Variants in MCTP1 observed in about 807,000 individuals in gnomAD.
The protein encoded by MCTP1 is multiple C2 and transmembrane domain containing 1, also known as multiple C2 and transmembrane domain-containing protein 1.
In MCTP1, 69 loss-of-function variants were observed where a neutral mutation model predicts 120.6. The ratio of observed to expected loss-of-function variants is 0.57; its 90% confidence interval spans 0.47 to 0.70. The LOEUF (loss-of-function observed/expected upper bound fraction) is 0.70. MCTP1 is among the 30% of genes least tolerant of loss of function. The pLI is 0.00. For synonymous variants in MCTP1, 529 were observed against 493.1 expected (o/e 1.07, Z -0.96); for missense variants, 1,203 against 1,248.8 (o/e 0.96, Z 0.55).
At chr5:95,210,770 C>T (rs538238927) in intron 1 of MCTP1, among the ~76,000 whole-genome samples, 3 of 152,028 alleles carry the variant, frequency 2.0e-5, no homozygotes, top group Non-Finnish European at 2.9e-5. Context: ...TTCCTAGTCT[C>T]GATGGTCTCT....
At chr5:95,237,854 A>T (rs766510022) in intron 1 of MCTP1, among the ~76,000 whole-genome samples, 2 of 152,136 alleles carry the variant, frequency 1.3e-5, no homozygotes, top group Non-Finnish European at 2.9e-5. Flanking sequence ...AAGAAATAGC[A>T]TTTACCTTGG....
intron 6 of MCTP1, among the ~76,000 whole-genome samples, chr5:94,928,940 C>A (rs1813839489): frequency 6.6e-6 from 1 of 152,140 alleles, no homozygotes. Context: ...TACAACCCCA[C>A]ATTATGTGAG....
chr5:94,941,367 C>A (rs973122841), intron 4 of MCTP1, among the ~76,000 whole-genome samples: 1 of 152,028 alleles, frequency 6.6e-6, no homozygotes, highest in Non-Finnish European at 1.5e-5. Flanking sequence ...AGAAAAAGTA[C>A]AGGAAAGGCT....
rs1754599078 is a variant in MCTP1 at position 94,706,381 on chromosome 5, A to G, written c.*1115T>C. ...TAATAGTGAAACATTGATAAAGGCA[A>G]CCACCACCCCCAAGCAGTTTATTTT... On this transcript the variant is annotated 3_prime_UTR_variant, in exon 23 of 23. Transcript: ENST00000515393. The G allele has an allele frequency of 1.3e-5, 2 of 151,384 alleles. No homozygotes were observed. The highest frequency in any genetic ancestry group is 4.8e-5 in the African/African-American group (2 of 41,302). 9.4% of individuals were successfully genotyped at this position (151,384 alleles called of 1,614,324 possible). A position where few individuals can be genotyped will look rare whatever the true frequency, so the allele number is the denominator to read the frequency against.
intron 17 of MCTP1, among the ~76,000 whole-genome samples, chr5:94,842,450 C>A (rs932003317): frequency 2.2e-4 from 33 of 152,248 alleles, no homozygotes; most frequent in African/African-American, 7.9e-4. Context: ...TGGATTGTGT[C>A]ATCTAAAAAA....
chr5:94,771,360 A>G (rs540008042), intron 19 of MCTP1, among the ~76,000 whole-genome samples: 1 of 152,332 alleles, frequency 6.6e-6, no homozygotes, highest in South Asian at 2.1e-4. Context: ...AAATAAGACT[A>G]AAACTCCCTG....
chr5:95,221,778 C>CT (rs1390479332), intron 1 of MCTP1, among the ~76,000 whole-genome samples: 1 of 152,122 alleles, frequency 6.6e-6, no homozygotes, highest in Non-Finnish European at 1.5e-5. Context: ...TGGGTTTTCT[C>CT]TTTTTTCAGG....
chr5:94,886,595 G>A (rs1801392580), intron 12 of MCTP1, among the ~76,000 whole-genome samples: 1 of 152,116 alleles, frequency 6.6e-6, no homozygotes, highest in South Asian at 2.1e-4. Context: ...AAATATTCTT[G>A]CCTTAGCACA....
chr5:94,881,311 T>C (rs1378912059), intron 12 of MCTP1, among the ~76,000 whole-genome samples: 1 of 151,986 alleles, frequency 6.6e-6, no homozygotes, highest in Non-Finnish European at 1.5e-5. Context: ...GAACTTAGAG[T>C]CTCTTTTCTT....
chr5:94,748,785 C>G (rs1207713059), intron 19 of MCTP1, among the ~76,000 whole-genome samples: 2 of 152,182 alleles, frequency 1.3e-5, no homozygotes, highest in East Asian at 1.9e-4. Flanking sequence ...ACTACATTTC[C>G]AGCTCTCTGT....
At chr5:95,217,407 A>C (rs1190640595) in intron 1 of MCTP1, among the ~76,000 whole-genome samples, 1 of 152,220 alleles carries the variant, frequency 6.6e-6, no homozygotes, top group African/African-American at 2.4e-5. Context: ...TTCAGTCAGA[A>C]CAACAAATAC....
intron 3 of MCTP1, among the ~76,000 whole-genome samples, chr5:94,948,240 A>G (rs1282925352): frequency 6.6e-6 from 1 of 152,202 alleles, no homozygotes; most frequent in Non-Finnish European, 1.5e-5. Flanking sequence ...ATGTACCCAT[A>G]CAAAAGAGAC....
chr5:94,835,846 T>C (rs1166631840), intron 17 of MCTP1, among the ~76,000 whole-genome samples: 1 of 151,772 alleles, frequency 6.6e-6, no homozygotes, highest in Non-Finnish European at 1.5e-5. Flanking sequence ...CTACTAAAAA[T>C]ACAAAAAATT....
At chr5:95,016,831 A>G (rs540322465) in intron 2 of MCTP1, among the ~76,000 whole-genome samples, 3 of 152,184 alleles carry the variant, frequency 2.0e-5, no homozygotes, top group Admixed American at 6.6e-5. Flanking sequence ...GGAACTTAAG[A>G]GTATTTGCCT....
chr5:94,838,318 T>C (rs1270180765), intron 17 of MCTP1, among the ~76,000 whole-genome samples: 1 of 152,242 alleles, frequency 6.6e-6, no homozygotes, highest in Non-Finnish European at 1.5e-5. Context: ...TGTTTCAGTT[T>C]AGCTCTGCTT....
intron 2 of MCTP1, among the ~76,000 whole-genome samples, chr5:94,977,660 C>T (rs1304937467): frequency 2.0e-5 from 3 of 152,000 alleles, no homozygotes; most frequent in Non-Finnish European, 4.4e-5. Context: ...TCAATCCATG[C>T]CTGTATGGTA....
chr5:94,770,471 T>C (rs1003914641), intron 19 of MCTP1, among the ~76,000 whole-genome samples: 1 of 152,200 alleles, frequency 6.6e-6, no homozygotes, highest in Non-Finnish European at 1.5e-5. Flanking sequence ...ACTATCAGAA[T>C]AACCCAAAAG....
At chr5:95,079,622 T>C (rs1235308255) in intron 1 of MCTP1, among the ~76,000 whole-genome samples, 2 of 152,160 alleles carry the variant, frequency 1.3e-5, no homozygotes, top group African/African-American at 4.8e-5. Flanking sequence ...AGAGCTAGGA[T>C]TTATTCATAA....
At chr5:95,283,089 A>C (rs577090136) in intron 1 of MCTP1, among the ~76,000 whole-genome samples, 112 of 152,370 alleles carry the variant, frequency 7.4e-4, no homozygotes, top group African/African-American at 2.6e-3. Context: ...AAATTGAGGG[A>C]GTAAAAACGG....
Sources: gnomAD v4.1 joint callset for allele counts (sites outside exome capture counted in the v4.1 genomes callset) on GRCh38, gnomAD v4.1.1 for gene constraint, MANE v1.5 for transcripts, NCBI Gene and HGNC (gene_info 2026-07-23, HGNC 2026-07-21) for gene names.